NRG3: variants seen among roughly 807,000 people sequenced by gnomAD.
NRG3 encodes the protein neuregulin 3.
In NRG3, 31 loss-of-function variants were observed where a neutral mutation model predicts 66.9. The ratio of observed to expected loss-of-function variants is 0.46; its 90% CI spans 0.35 to 0.63. NRG3 has a LOEUF of 0.63. Ranked by LOEUF, NRG3 falls within the 20% of genes least tolerant of loss-of-function variation. NRG3 has a pLI of 0.00. For missense variants in NRG3, 910 were observed against 878.9 expected (o/e 1.04, Z -0.45); for synonymous variants, 393 against 359.4 (o/e 1.09, Z -1.06).
chr10:81,954,025 A>G (rs1400408550), intron 1 of NRG3, among the ~76,000 whole-genome samples: 4 of 152,204 alleles, frequency 2.6e-5, no homozygotes, highest in Non-Finnish European at 5.9e-5. Flanking sequence ...GAAATTCTAA[A>G]TCAATATATT....
At chr10:82,021,092 A>G (rs1022839511) in intron 1 of NRG3, among the ~76,000 whole-genome samples, 26 of 152,056 alleles carry the variant, frequency 1.7e-4, no homozygotes, top group African/African-American at 6.3e-4. Context: ...TGCCTTTGAA[A>G]TGGCCTTCTT....
chr10:82,524,495 C>T (rs1009947282), intron 2 of NRG3, among the ~76,000 whole-genome samples: 3 of 151,770 alleles, frequency 2.0e-5, no homozygotes, highest in Non-Finnish European at 4.4e-5. Context: ...TCAGTAACTG[C>T]AAAATATTAA....
chr10:82,275,641 A>C (rs945106504), intron 1 of NRG3, among the ~76,000 whole-genome samples: 1 of 151,886 alleles, frequency 6.6e-6, no homozygotes, highest in Non-Finnish European at 1.5e-5. Context: ...ATTCCAAATG[A>C]TTTCCCTATT....
intron 2 of NRG3, among the ~76,000 whole-genome samples, chr10:82,538,220 A>C (rs1016368828): frequency 3.9e-5 from 6 of 152,208 alleles, no homozygotes; most frequent in Non-Finnish European, 7.3e-5. Flanking sequence ...AACCGGGTTA[A>C]GTGATTTTCC....
chr10:82,185,823 TATTCTAAA>T (rs976148311), intron 1 of NRG3, among the ~76,000 whole-genome samples: 1 of 152,224 alleles, frequency 6.6e-6, no homozygotes, highest in Non-Finnish European at 1.5e-5. Context: ...TCATTGGTTT[TATTCTAAA>T]AAATTAATGA....
At chr10:82,578,595 TTAAA>T (rs1384434887) in intron 2 of NRG3, among the ~76,000 whole-genome samples, 1 of 151,578 alleles carries the variant, frequency 6.6e-6, no homozygotes, top group African/African-American at 2.4e-5. Flanking sequence ...TTCTGAGAAT[TTAAA>T]CAGCTCAAGG....
chr10:82,079,726 G>C (rs911589649), intron 1 of NRG3, among the ~76,000 whole-genome samples: 14 of 152,120 alleles, frequency 9.2e-5, no homozygotes, highest in Non-Finnish European at 2.1e-4. Flanking sequence ...ACAGTACCTA[G>C]AGTTTTAAAA....
At chr10:82,435,710 G>T (rs951794035) in intron 2 of NRG3, among the ~76,000 whole-genome samples, 4 of 151,380 alleles carry the variant, frequency 2.6e-5, no homozygotes, top group African/African-American at 9.7e-5. Flanking sequence ...ATTTACCCAG[G>T]AGTCATTCAG....
chr10:82,211,003 G>A (rs541247987), intron 1 of NRG3, among the ~76,000 whole-genome samples: 1 of 151,746 alleles, frequency 6.6e-6, no homozygotes, highest in South Asian at 2.1e-4. Context: ...TCATATGGGT[G>A]CCAGAAATGA....
At chr10:82,228,294 T>G (rs2076266926) in intron 1 of NRG3, among the ~76,000 whole-genome samples, 1 of 152,190 alleles carries the variant, frequency 6.6e-6, no homozygotes, top group South Asian at 2.1e-4. Flanking sequence ...AAGTTCAAAT[T>G]TGGGGCTTTT....
chr10:82,463,512 G>C (rs572445544), intron 2 of NRG3, among the ~76,000 whole-genome samples: 48 of 152,126 alleles, frequency 3.2e-4, no homozygotes, highest in Non-Finnish European at 6.8e-4. Context: ...ACATGAATAT[G>C]GCCTATTTTC....
chr10:82,040,205 A>G (rs1016595523), intron 1 of NRG3, among the ~76,000 whole-genome samples: 2 of 152,088 alleles, frequency 1.3e-5, no homozygotes, highest in Non-Finnish European at 2.9e-5. Context: ...TTCCACATGC[A>G]GCACTAAATT....
At chr10:82,544,173 A>T (rs1340452622) in intron 2 of NRG3, among the ~76,000 whole-genome samples, 1 of 152,192 alleles carries the variant, frequency 6.6e-6, no homozygotes, top group East Asian at 1.9e-4. Context: ...TTGCACTTCT[A>T]AAGGTGCTAT....
intron 2 of NRG3, among the ~76,000 whole-genome samples, chr10:82,692,251 CAAAAAAAA>C: frequency 8.3e-6 from 1 of 120,766 alleles, no homozygotes; most frequent in African/African-American, 3.3e-5. Context: ...GATTCCATCT[CAAAAAAAA>C]AAAAAAAAGT....
chr10:82,822,664 A>G (rs961338596), intron 3 of NRG3, among the ~76,000 whole-genome samples: 2 of 152,108 alleles, frequency 1.3e-5, no homozygotes, highest in African/African-American at 2.4e-5. Flanking sequence ...GGAATCCAGT[A>G]TGGGGCATGG....
intron 1 of NRG3, among the ~76,000 whole-genome samples, chr10:82,272,579 A>G (rs952861838): frequency 1.3e-5 from 2 of 152,076 alleles, no homozygotes; most frequent in Admixed American, 6.6e-5. Context: ...TGTTTTCTAG[A>G]TTCAAATTTT....
At chr10:82,694,634 G>A (rs2055225824) in intron 2 of NRG3, among the ~76,000 whole-genome samples, 1 of 152,026 alleles carries the variant, frequency 6.6e-6, no homozygotes, top group Non-Finnish European at 1.5e-5. Context: ...AATGCCTGTA[G>A]CCTTAGCTAC....
chr10:82,703,765 A>G (rs1444923635), intron 2 of NRG3, among the ~76,000 whole-genome samples: 1 of 152,096 alleles, frequency 6.6e-6, no homozygotes, highest in East Asian at 1.9e-4. Flanking sequence ...CAAATTTATC[A>G]CACTGAGTCA....
intron 1 of NRG3, among the ~76,000 whole-genome samples, chr10:81,976,564 A>G (rs1412967667): frequency 1.3e-5 from 2 of 152,216 alleles, no homozygotes; most frequent in East Asian, 3.8e-4. Context: ...TCATCAATGG[A>G]AAGAAACACA....
Sources: gnomAD v4.1 joint callset for allele counts (sites outside exome capture counted in the v4.1 genomes callset) on GRCh38, gnomAD v4.1.1 for gene constraint, MANE v1.5 for transcripts, NCBI Gene and HGNC (gene_info 2026-07-23, HGNC 2026-07-21) for gene names.